The following SEMA5A variants were observed in gnomAD, a reference collection of about 807,000 sequenced individuals.
SEMA5A encodes the protein semaphorin-5A.
Under a neutral mutation model 135.5 loss-of-function variants are expected in SEMA5A, and 55 were observed. That is an observed-to-expected ratio of 0.41 (90% CI 0.33 to 0.51). The LOEUF (loss-of-function observed/expected upper bound fraction) is 0.51, where lower values mean the gene tolerates loss of function less well. Among genes scored for constraint, SEMA5A ranks in the 20% least tolerant of loss-of-function variants. The pLI is 0.37. For synonymous variants in SEMA5A, 580 were observed against 546.5 expected, an observed-to-expected ratio of 1.06 and a Z score of -0.85; for missense variants, 1,290 against 1,419.9, an observed-to-expected ratio of 0.91 and a Z score of 1.47.
intron 21 of SEMA5A, among the ~76,000 whole-genome samples, chr5:9,049,622 G>A (rs549961743): frequency 1.1e-3 from 162 of 152,200 alleles, no homozygotes; most frequent in Non-Finnish European, 2.0e-3. Flanking sequence ...GATTAGGGGA[G>A]CAAATGGGAA....
chr5:9,275,612 A>G (rs914953453), intron 5 of SEMA5A, among the ~76,000 whole-genome samples: 4 of 152,234 alleles, frequency 2.6e-5, no homozygotes, highest in African/African-American at 9.6e-5. Flanking sequence ...CAAATCCAGC[A>G]GCACATCAAA....
At chr5:9,505,642 A>G (rs757790583) in intron 1 of SEMA5A, among the ~76,000 whole-genome samples, 9 of 152,176 alleles carry the variant, frequency 5.9e-5, no homozygotes, top group Non-Finnish European at 1.2e-4. Context: ...GAACCCAAAC[A>G]TAGTCACCCC....
At chr5:9,195,330 TA>T (rs1052645525) in intron 10 of SEMA5A, among the ~76,000 whole-genome samples, 8 of 152,138 alleles carry the variant, frequency 5.3e-5, no homozygotes, top group Non-Finnish European at 1.0e-4. Flanking sequence ...CGTGCCTGGC[TA>T]ATTTTTTTTA....
At chr5:9,374,404 C>A (rs760245023) in intron 3 of SEMA5A, among the ~76,000 whole-genome samples, 9 of 152,200 alleles carry the variant, frequency 5.9e-5, no homozygotes, top group Non-Finnish European at 1.2e-4. Context: ...AGAATGCCTC[C>A]AGTGCATAAT....
chr5:9,485,286 A>G (rs1195454046), intron 1 of SEMA5A, among the ~76,000 whole-genome samples: 1 of 151,962 alleles, frequency 6.6e-6, no homozygotes, highest in African/African-American at 2.4e-5. Flanking sequence ...GTGTTTAACG[A>G]GAAATTTCAC....
chr5:9,385,076 A>G (rs1259407938), intron 2 of SEMA5A, among the ~76,000 whole-genome samples: 1 of 152,236 alleles, frequency 6.6e-6, no homozygotes, highest in Non-Finnish European at 1.5e-5. Flanking sequence ...CTAGAAAGCC[A>G]ATTTGGGAGA....
intron 11 of SEMA5A, among the ~76,000 whole-genome samples, chr5:9,162,564 G>GTGTATA (rs1331354641): frequency 1.4e-4 from 12 of 84,054 alleles, no homozygotes; most frequent in South Asian, 6.9e-4. Context: ...GTGTGTGTGT[G>GTGTATA]TATATATATA....
At chr5:9,305,708 GTATA>G (rs146829804) in intron 5 of SEMA5A, among the ~76,000 whole-genome samples, 36 of 139,244 alleles carry the variant, frequency 2.6e-4, no homozygotes, top group African/African-American at 9.5e-4. Flanking sequence ...GTGTGTGTGC[GTATA>G]TATATATATA....
intron 5 of SEMA5A, among the ~76,000 whole-genome samples, chr5:9,313,498 A>C (rs2150653537): frequency 6.6e-6 from 1 of 152,264 alleles, no homozygotes; most frequent in East Asian, 1.9e-4. Flanking sequence ...AAGCATATTA[A>C]ATACTAAGGG....
At chr5:9,194,007 T>C (rs561979826) in intron 10 of SEMA5A, among the ~76,000 whole-genome samples, 2 of 152,356 alleles carry the variant, frequency 1.3e-5, no homozygotes, top group Admixed American at 1.3e-4. Context: ...TCCACTTAAC[T>C]ACATTTGAGG....
intron 5 of SEMA5A, among the ~76,000 whole-genome samples, chr5:9,271,447 A>G (rs529208637): frequency 2.0e-4 from 30 of 152,310 alleles, no homozygotes; most frequent in Admixed American, 9.2e-4. Flanking sequence ...CGACTTTGGA[A>G]CTGAGTAACA....
At chr5:9,353,498 G>T (rs534705996) in intron 3 of SEMA5A, among the ~76,000 whole-genome samples, 4 of 152,270 alleles carry the variant, frequency 2.6e-5, no homozygotes, top group South Asian at 4.1e-4. Context: ...GACTCCAGAA[G>T]AGTAGAGGGT....
intron 1 of SEMA5A, chr5:9,498,725 C>T (rs767403743): frequency 6.7e-6 from 1 of 149,566 alleles, no homozygotes; most frequent in Non-Finnish European, 1.5e-5. Flanking sequence ...CTAAGTACTA[C>T]GATAACCAAC....
chr5:9,152,274 A>G (rs557626744), intron 12 of SEMA5A, among the ~76,000 whole-genome samples: 1 of 152,236 alleles, frequency 6.6e-6, no homozygotes, highest in South Asian at 2.1e-4. Context: ...GAGTTGAAAG[A>G]CTGGTGTCCT....
At chr5:9,521,858 C>A (rs995983565) in intron 1 of SEMA5A, among the ~76,000 whole-genome samples, 1 of 152,136 alleles carries the variant, frequency 6.6e-6, no homozygotes, top group African/African-American at 2.4e-5. Context: ...AGGAGGTGAC[C>A]TAGACACCTT....
chr5:9,501,232 T>C (rs1735580126), intron 1 of SEMA5A, among the ~76,000 whole-genome samples: 1 of 152,246 alleles, frequency 6.6e-6, no homozygotes, highest in African/African-American at 2.4e-5. Context: ...ATTTAATCTC[T>C]GACCTCTATT....
chr5:9,237,817 A>C lies in SEMA5A; in HGVS notation c.333+11T>G. 1 of 1,613,170 alleles carries C rather than the reference A, an allele frequency of 6.2e-7. No individual in the cohort carries two copies. The highest frequency in any genetic ancestry group is 1.3e-5 in the African/African-American group (1 of 75,010). On this transcript the variant is annotated intron_variant, in intron 6 of 22. Transcript: ENST00000382496. ...CAGGGTGATGGCTGCTCATAATTGC[A>C]TTCTTCTTACCTTTGATTTGCCTTT...
chr5:9,250,999 G>A (rs1214422774), intron 5 of SEMA5A, among the ~76,000 whole-genome samples: 1 of 152,146 alleles, frequency 6.6e-6, no homozygotes, highest in African/African-American at 2.4e-5. Context: ...TAAGTATTAA[G>A]AGGTAAGACC....
intron 3 of SEMA5A, among the ~76,000 whole-genome samples, chr5:9,378,407 T>C (rs1331099247): frequency 3.3e-5 from 5 of 152,204 alleles, no homozygotes; most frequent in African/African-American, 1.2e-4. Flanking sequence ...ATTGAGGCTG[T>C]GATCATCAAT....
Sources: allele counts gnomAD v4.1 joint callset (sites outside exome capture counted in the v4.1 genomes callset), GRCh38; gene constraint gnomAD v4.1.1; transcripts MANE v1.5; gene names NCBI Gene and HGNC (gene_info 2026-07-23, HGNC 2026-07-21).